The following SOS1 variants were observed in gnomAD, a reference collection of about 807,000 sequenced individuals.
SOS1 encodes the protein son of sevenless homolog 1.
A neutral mutation model predicts 157.6 loss-of-function variants in SOS1; 25 were observed. That is an observed-to-expected ratio of 0.16 (90% CI 0.12 to 0.22). SOS1 has a LOEUF of 0.22. SOS1 is among the 10% of genes least tolerant of loss of function. The probability of loss-of-function intolerance (pLI) is 1.00; values close to 1 mark genes in which losing one functional copy is unlikely to be tolerated. For missense variants in SOS1, 1,237 were observed against 1,599.1 expected (o/e 0.77, Z 3.86); for synonymous variants, 528 against 534.0 (o/e 0.99, Z 0.16).
intron 2 of SOS1, among the ~76,000 whole-genome samples, chr2:39,067,381 T>C (rs770194084): frequency 2.0e-5 from 3 of 152,094 alleles, no homozygotes; most frequent in Non-Finnish European, 4.4e-5. Context: ...GTTTTTGGAT[T>C]TGGGATGCTC....
upstream of SOS1, among the ~76,000 whole-genome samples, chr2:39,123,298 T>G (rs750381927): frequency 6.6e-6 from 1 of 152,164 alleles, no homozygotes; most frequent in South Asian, 2.1e-4. Context: ...TTTTGGTTGT[T>G]GGTTTCCCTC....
intron 10 of SOS1, among the ~76,000 whole-genome samples, chr2:39,020,342 C>T (rs544234242): frequency 8.6e-4 from 130 of 151,722 alleles, no homozygotes; most frequent in African/African-American, 3.1e-3. Context: ...CAATGTCTAA[C>T]CAAACTATAA....
chr2:39,025,474 C>G (rs555262568), intron 8 of SOS1, among the ~76,000 whole-genome samples: 31 of 151,774 alleles, frequency 2.0e-4, no homozygotes, highest in Admixed American at 2.0e-3. Context: ...CTCAGCCTCC[C>G]GAGTAGCTGC....
intron 9 of SOS1, chr2:39,023,755 ACT>A (rs1003163723): frequency 3.9e-5 from 17 of 431,244 alleles, no homozygotes; most frequent in Non-Finnish European, 5.4e-5. Flanking sequence ...GATACATTTT[ACT>A]CTGTCTCTCC....
At chr2:38,998,188 A>G (rs934874968) in intron 17 of SOS1, among the ~76,000 whole-genome samples, 18 of 152,092 alleles carry the variant, frequency 1.2e-4, no homozygotes, top group African/African-American at 4.3e-4. Context: ...ATTCTAGCAT[A>G]AAGGCTCTGG....
At position 39,120,426 on chromosome 2, in the gene SOS1, G is replaced by T; in HGVS notation, c.-4C>A. The T allele has an allele frequency of 6.3e-7, 1 of 1,583,012 alleles. No homozygotes were observed. The stretch of plus-strand genomic sequence containing the variant: ...AGGGCAGCTGCTGCGCCTGCATGGT[G>T]CCCCCGGGGCGCCTCTGGGCGGGGA... On this transcript the variant is annotated 5_prime_UTR_variant, in exon 1 of 23. Transcript: ENST00000402219.
chr2:39,017,088 T>C (rs1669654717), intron 10 of SOS1, among the ~76,000 whole-genome samples: 1 of 152,040 alleles, frequency 6.6e-6, no homozygotes, highest in Admixed American at 6.6e-5. Flanking sequence ...ACATAACTTA[T>C]TTCATATGAT....
chr2:39,109,761 C>G (rs1572899118), intron 1 of SOS1, among the ~76,000 whole-genome samples: 2 of 152,088 alleles, frequency 1.3e-5, no homozygotes, highest in South Asian at 2.1e-4. Flanking sequence ...ATGGGTACAA[C>G]AGAGATAAGC....
chr2:39,031,046 A>G (rs1670141944), intron 8 of SOS1, among the ~76,000 whole-genome samples: 1 of 151,982 alleles, frequency 6.6e-6, no homozygotes, highest in South Asian at 2.1e-4. Flanking sequence ...CCTTTAGAGA[A>G]AGTGTGGCCC....
At chr2:39,007,758 G>A (rs1669327270) in intron 15 of SOS1, among the ~76,000 whole-genome samples, 1 of 152,062 alleles carries the variant, frequency 6.6e-6, no homozygotes, top group Admixed American at 6.6e-5. Context: ...TGGACTTGTG[G>A]TATGATAGTA....
At chr2:39,035,126 A>G in intron 8 of SOS1, 86 bp downstream of exon 8, 1 of 806,494 alleles carries the variant, frequency 1.2e-6, no homozygotes, top group Non-Finnish European at 2.1e-6. Context: ...TGTGCAGGGT[A>G]CTCACACAAT....
At chr2:39,049,926 C>T (rs905968820) in intron 6 of SOS1, among the ~76,000 whole-genome samples, 2 of 152,206 alleles carry the variant, frequency 1.3e-5, no homozygotes, top group African/African-American at 4.8e-5. Flanking sequence ...CTCTGGCTTT[C>T]ATGGAACACA....
At chr2:39,036,572 GTT>G (rs1170229173) in intron 6 of SOS1, among the ~76,000 whole-genome samples, 1 of 151,780 alleles carries the variant, frequency 6.6e-6, no homozygotes, top group Non-Finnish European at 1.5e-5. Context: ...CACCCTGGTC[GTT>G]TTTTGTTTTT....
At chr2:39,063,941 T>C (rs1290979410) in intron 2 of SOS1, among the ~76,000 whole-genome samples, 1 of 152,042 alleles carries the variant, frequency 6.6e-6, no homozygotes, top group South Asian at 2.1e-4. Context: ...CAGGCGATCC[T>C]CCCACCTCAA....
intron 1 of SOS1, among the ~76,000 whole-genome samples, chr2:39,117,732 C>T (rs1297620428): frequency 6.6e-6 from 1 of 152,076 alleles, no homozygotes; most frequent in Non-Finnish European, 1.5e-5. Flanking sequence ...TCACAGTAGT[C>T]TGACAAAGGA....
chr2:39,010,491 A>G, intron 15 of SOS1, 93 bp downstream of exon 15: 2 of 1,217,852 alleles, frequency 1.6e-6, no homozygotes, highest in South Asian at 1.2e-5. Context: ...GACAGAGCAA[A>G]ACTCCGTCTC....
At chr2:39,105,648 A>G (rs1327498486) in intron 1 of SOS1, among the ~76,000 whole-genome samples, 3 of 152,168 alleles carry the variant, frequency 2.0e-5, no homozygotes, top group South Asian at 2.1e-4. Flanking sequence ...CTGTAATCCT[A>G]GCACTTTGGG....
At chr2:39,086,230 G>C (rs780574634) in intron 1 of SOS1, among the ~76,000 whole-genome samples, 4 of 152,178 alleles carry the variant, frequency 2.6e-5, no homozygotes, top group Non-Finnish European at 4.4e-5. Context: ...TAGGTGAAAA[G>C]TATATTGGTG....
intron 14 of SOS1, 141 bp downstream of exon 14, chr2:39,011,981 ACTGC>A: frequency 1.5e-6 from 1 of 682,642 alleles, no homozygotes; most frequent in South Asian, 1.6e-5. Context: ...AAGAACAGGA[ACTGC>A]CTGCCTGGCC....
Sources: allele counts gnomAD v4.1 joint callset (sites outside exome capture counted in the v4.1 genomes callset), GRCh38; gene constraint gnomAD v4.1.1; transcripts MANE v1.5; gene names NCBI Gene and HGNC (gene_info 2026-07-23, HGNC 2026-07-21).